ADGRL3: variants seen among roughly 807,000 people sequenced by gnomAD.
The protein encoded by ADGRL3 is calcium-independent alpha-latrotoxin receptor 3.
Under a neutral mutation model 153.5 loss-of-function variants are expected in ADGRL3, and 62 were observed. The ratio of observed to expected loss-of-function variants is 0.40; its 90% CI spans 0.33 to 0.50. The LOEUF is 0.50. Among genes scored for constraint, ADGRL3 ranks in the 20% least tolerant of loss-of-function variants. The probability of loss-of-function intolerance (pLI) is 0.47; values close to 1 mark genes in which losing one functional copy is unlikely to be tolerated. For missense variants in ADGRL3, 1,641 were observed against 1,859.4 expected, an observed-to-expected ratio of 0.88 and a Z score of 2.16; for synonymous variants, 710 against 672.5, an observed-to-expected ratio of 1.06 and a Z score of -0.86.
chr4:61,269,434 T>G (rs1160089020), intron 1 of ADGRL3, among the ~76,000 whole-genome samples: 1 of 151,648 alleles, frequency 6.6e-6, no homozygotes, highest in African/African-American at 2.4e-5. Flanking sequence ...CTGATGATGG[T>G]TGTGTAGCCT....
chr4:61,460,059 G>T (rs2097792389), intron 2 of ADGRL3, among the ~76,000 whole-genome samples: 2 of 152,148 alleles, frequency 1.3e-5, no homozygotes, highest in South Asian at 4.2e-4. Context: ...TTCCTTTGCT[G>T]TACAGAAGCT....
intron 2 of ADGRL3, among the ~76,000 whole-genome samples, chr4:61,419,963 T>C (rs1181019331): frequency 1.3e-5 from 2 of 150,966 alleles, no homozygotes; most frequent in East Asian, 3.9e-4. Context: ...CCGGCTGATA[T>C]TTTTTTTTAT....
intron 8 of ADGRL3, among the ~76,000 whole-genome samples, chr4:61,736,590 G>T (rs999102907): frequency 6.6e-6 from 1 of 152,140 alleles, no homozygotes; most frequent in Non-Finnish European, 1.5e-5. Flanking sequence ...CCTGGGAGGC[G>T]GAGGTTGCAG....
chr4:62,037,701 G>A, intron 23 of ADGRL3, 30 bp from the exon 24 acceptor site: 1 of 1,612,904 alleles, frequency 6.2e-7, no homozygotes. Flanking sequence ...TGAATTACTT[G>A]CTAACAGAAG....
At chr4:61,641,675 C>A (rs1305603972) in intron 5 of ADGRL3, among the ~76,000 whole-genome samples, 1 of 151,914 alleles carries the variant, frequency 6.6e-6, no homozygotes, top group Admixed American at 6.6e-5. Flanking sequence ...TTTTCTTAAT[C>A]CAGTCTATCA....
chr4:61,744,219 C>A (rs1442731289), intron 8 of ADGRL3, among the ~76,000 whole-genome samples: 4 of 152,202 alleles, frequency 2.6e-5, no homozygotes, highest in African/African-American at 9.6e-5. Flanking sequence ...GAAACTCGAA[C>A]TGGGAGGAGC....
intron 21 of ADGRL3, among the ~76,000 whole-genome samples, chr4:62,013,324 C>T (rs944134198): frequency 1.3e-5 from 2 of 151,790 alleles, no homozygotes; most frequent in Non-Finnish European, 2.9e-5. Context: ...CATCTGATGT[C>T]AGGAGTTCAA....
At chr4:61,879,257 G>C (rs546502176) in intron 9 of ADGRL3, among the ~76,000 whole-genome samples, 8 of 152,260 alleles carry the variant, frequency 5.3e-5, no homozygotes, top group African/African-American at 1.9e-4. Context: ...CCTCTGGGCA[G>C]ATTTCCCTAA....
intron 8 of ADGRL3, among the ~76,000 whole-genome samples, chr4:61,781,307 G>T (rs1251746755): frequency 1.6e-5 from 2 of 126,028 alleles, no homozygotes; most frequent in Admixed American, 1.7e-4. Flanking sequence ...GCCAGCCTGG[G>T]CAAAAAGAGC....
chr4:61,883,731 T>C (rs2098521552), intron 9 of ADGRL3, among the ~76,000 whole-genome samples: 1 of 152,180 alleles, frequency 6.6e-6, no homozygotes, highest in Non-Finnish European at 1.5e-5. Flanking sequence ...GCCTAACCAT[T>C]GAAGGCATGT....
chr4:61,934,987 A>C lies in ADGRL3; in HGVS notation c.2260A>C (p.Lys754Gln). 6.2e-7 allele frequency: 1 copy of C among 1,613,824 alleles called. No homozygotes were observed. The highest frequency in any genetic ancestry group is 8.5e-7 in the Non-Finnish European group (1 of 1,179,784). The change falls in exon 14 of 27, where the codon AAG becomes CAG. Residue 754 changes from lysine (K) to glutamine (Q), a missense_variant. This residue lies in a region of ADGRL3 where 734 missense variants were observed against 797.0 expected (regional missense o/e 0.92). Transcript: ENST00000683033. ...SAFVLADNLL[K>Q]TDIVRENTDN... ...TTTTGTGCTGGCTGATAACCTTTTG[A>C]AGACTGACATTGTCAGGGAGAATAC...
intron 17 of ADGRL3, among the ~76,000 whole-genome samples, chr4:61,976,947 T>A (rs2099050219): frequency 6.6e-6 from 1 of 152,208 alleles, no homozygotes; most frequent in African/African-American, 2.4e-5. Context: ...CCTCCCAGTG[T>A]CATGGACATA....
intron 9 of ADGRL3, among the ~76,000 whole-genome samples, chr4:61,872,202 T>A (rs2098449626): frequency 6.6e-6 from 1 of 152,136 alleles, no homozygotes; most frequent in Non-Finnish European, 1.5e-5. Context: ...TCATAGTGTG[T>A]GTCGGATGTG....
intron 4 of ADGRL3, among the ~76,000 whole-genome samples, chr4:61,572,835 C>A (rs952863936): frequency 1.3e-5 from 2 of 151,900 alleles, no homozygotes; most frequent in African/African-American, 4.8e-5. Flanking sequence ...TGTAAAAGTT[C>A]CATGATGTCT....
At chr4:61,947,217 T>C (rs1246446940) in intron 16 of ADGRL3, 95 bp downstream of exon 16, 1 of 991,268 alleles carries the variant, frequency 1.0e-6, no homozygotes, top group African/African-American at 1.6e-5. Flanking sequence ...ATGTTTTTTC[T>C]ATTTGACATA....
At chr4:61,486,714 T>C (rs1344016302) in intron 2 of ADGRL3, among the ~76,000 whole-genome samples, 1 of 152,210 alleles carries the variant, frequency 6.6e-6, no homozygotes, top group Non-Finnish European at 1.5e-5. Flanking sequence ...ATCATACTGA[T>C]ATATTTTGAA....
At chr4:61,510,419 G>C (rs1261844431) in intron 3 of ADGRL3, among the ~76,000 whole-genome samples, 1 of 152,030 alleles carries the variant, frequency 6.6e-6, no homozygotes, top group Non-Finnish European at 1.5e-5. Flanking sequence ...AATCCCTCTT[G>C]ATTTAATTTT....
intron 17 of ADGRL3, among the ~76,000 whole-genome samples, chr4:61,955,439 G>T (rs2098962482): frequency 6.6e-6 from 1 of 151,968 alleles, no homozygotes; most frequent in African/African-American, 2.4e-5. Context: ...CCATATCAAA[G>T]ATCAAATATA....
intron 4 of ADGRL3, among the ~76,000 whole-genome samples, chr4:61,562,944 CAAA>C (rs35146786): frequency 5.4e-4 from 57 of 105,898 alleles, no homozygotes; most frequent in Middle Eastern, 5.0e-3. Context: ...GACCCTGTCT[CAAA>C]AAAAAAAAAA....
Sources: allele counts gnomAD v4.1 joint callset (sites outside exome capture counted in the v4.1 genomes callset), GRCh38; gene constraint gnomAD v4.1.1; regional missense constraint gnomAD v4.1.1; transcripts MANE v1.5; gene names NCBI Gene and HGNC (gene_info 2026-07-23, HGNC 2026-07-21).